The following UBXN10 variants were observed in gnomAD, a reference collection of about 807,000 sequenced individuals.
UBXN10 encodes UBX domain-containing protein 10.
Under a neutral mutation model 6.9 loss-of-function variants are expected in UBXN10, and 6 were observed. The ratio of observed to expected loss-of-function variants is 0.87; its 90% CI spans 0.48 to 1.72. UBXN10 has a LOEUF of 1.72. Among genes scored for constraint, UBXN10 ranks in the 40% most tolerant of loss-of-function variants. The pLI is 0.01. For synonymous variants in UBXN10, 131 were observed against 135.2 expected (o/e 0.97, Z 0.21); for missense variants, 317 against 348.4 (o/e 0.91, Z 0.72).
chr1:20,194,909 C>G lies in UBXN10; in HGVS notation c.*3505C>G, dbSNP rs2018574879. 6.0e-6 allele frequency: 1 copy of G among 167,060 alleles called. No homozygotes were observed. 10.3% of individuals were successfully genotyped at this position (167,060 alleles called of 1,614,324 possible). A position where few individuals can be genotyped will look rare whatever the true frequency, so the allele number is the denominator to read the frequency against. ...TTCTCAGTCCATTAAGGCAACACCC[C>G]ACAGTAAAGTTAAAAGTTCACGAGC... On this transcript the variant is annotated 3_prime_UTR_variant, in exon 2 of 2. Transcript: ENST00000375099.
upstream of UBXN10, among the ~76,000 whole-genome samples, chr1:20,185,723 T>C (rs535983205): frequency 6.6e-6 from 1 of 152,180 alleles, no homozygotes; most frequent in East Asian, 1.9e-4. Context: ...ACAGCCTCAT[T>C]TTAAAACCAG....
In UBXN10 at chr1:20,190,811, GCACC is replaced by G; in HGVS notation, c.253_256del (p.Pro85AsnfsTer57). The G allele has an allele frequency of 6.2e-7, 1 of 1,613,948 alleles. No individual in the cohort carries two copies. Among genetic ancestry groups the G allele is most frequent in the South Asian group, 1.1e-5 (1 of 91,074 alleles). ...AAGCAGCCAAAAACCAGGAGCCTGT[GCACC>G]CAAATCTCCAAACCAGGGAGCTTCT... On this transcript the variant is annotated frameshift_variant, in exon 2 of 2. Coordinates refer to ENST00000375099, the MANE Select transcript of UBXN10 (RefSeq NM_152376.5). LOFTEE classifies it low-confidence loss of function (END_TRUNC).
chr1:20,185,629 G>A (rs1417497782), upstream of UBXN10, among the ~76,000 whole-genome samples: 5 of 152,312 alleles, frequency 3.3e-5, no homozygotes, highest in East Asian at 1.9e-4. Context: ...GGGCTGTACT[G>A]AGGATGGGGG....
In UBXN10 at chr1:20,191,669, TG is replaced by T. The variant is rs2100736929; in HGVS notation, c.*266del. 2.3e-6 allele frequency: 1 copy of T among 435,494 alleles called. No homozygotes were observed. The highest frequency in any genetic ancestry group is 4.4e-5 in the South Asian group (1 of 22,922). 27.0% of individuals were successfully genotyped at this position (435,494 alleles called of 1,614,324 possible). On this transcript the variant is annotated 3_prime_UTR_variant, in exon 2 of 2. Transcript: ENST00000375099. The surrounding 1 kb of genome is among the most constrained non-coding windows in gnomAD (Gnocchi z 4.5). ...ACCAAGGTTGTTCCTGAAACAGCAG[TG>T]ATCATGACTTCTCCTTTCCAGAGTT... is the stretch of plus-strand genomic sequence containing the variant.
At position 20,192,144 on chromosome 1, in the gene UBXN10, T is replaced by C. The variant is rs1399663524; in HGVS notation, c.*740T>C. ...TCTGGGAGCTACTCTGTGGGCTGAA[T>C]TCTTCCAAAACCGAGAAAAGCCAGT... On this transcript the variant is annotated 3_prime_UTR_variant, in exon 2 of 2. Coordinates refer to ENST00000375099, the MANE Select transcript of UBXN10 (RefSeq NM_152376.5). 1 of 167,152 alleles carries C rather than the reference T, an allele frequency of 6.0e-6. No homozygotes were observed. Among genetic ancestry groups the C allele is most frequent in the African/African-American group, 2.4e-5 (1 of 41,478 alleles). The allele number at this position is 167,152 out of a possible 1,614,324, so 10.4% of individuals were successfully genotyped here.
At chr1:20,184,868 G>A (rs538542060), upstream of UBXN10, among the ~76,000 whole-genome samples, 23 of 152,270 alleles carry the variant, frequency 1.5e-4, no homozygotes, top group Non-Finnish European at 3.1e-4. Context: ...GAGAAGAAAG[G>A]AGAGGCTGGG....
rs1343937350 is a variant in UBXN10 at position 20,193,531 on chromosome 1, A to C, written c.*2127A>C. 6.0e-6 allele frequency: 1 copy of C among 167,012 alleles called. No individual in the cohort carries two copies. The highest frequency in any genetic ancestry group is 1.5e-5 in the Non-Finnish European group (1 of 68,106). The allele number at this position is 167,012 out of a possible 1,614,324, so 10.3% of individuals were successfully genotyped here. A position where few individuals can be genotyped will look rare whatever the true frequency, so the allele number is the denominator to read the frequency against. ...TGAAACTGAGTCAGTGGAGAAGTGC[A>C]TCTCGTATTTTAACCTAAGGCTTCA... On this transcript the variant is annotated 3_prime_UTR_variant, in exon 2 of 2. Transcript: ENST00000375099.
upstream of UBXN10, among the ~76,000 whole-genome samples, chr1:20,183,617 C>T (rs868828684): frequency 6.6e-6 from 1 of 152,204 alleles, no homozygotes; most frequent in Non-Finnish European, 1.5e-5. Flanking sequence ...TCCACTGGAC[C>T]AAAGGCGACC....
intron 1 of UBXN10, 118 bp from the exon 2 acceptor site, chr1:20,190,429 C>A (rs775590814): frequency 2.1e-5 from 27 of 1,311,194 alleles, no homozygotes; most frequent in Non-Finnish European, 2.7e-5. Flanking sequence ...CAGCTGGTGC[C>A]CCTTACTAGA....
rs969473137 is a variant in UBXN10, at chr1:20,187,905, C to T, written c.-16+1752C>T. On this transcript the variant is annotated intron_variant, in intron 1 of 1. Transcript: ENST00000375099. This position sits in a 1 kb window ranked among gnomAD's most constrained non-coding sequence, Gnocchi z 4.6. ...AGGAAGAGGTTTCTAAGTTACCAAA[C>T]TCACTGACAGTTAAACCTTCCTGAG... Among the ~76,000 whole-genome samples, 1 of 152,198 alleles carries T rather than the reference C, an allele frequency of 6.6e-6. No individual in the cohort carries two copies. The highest frequency in any genetic ancestry group is 2.4e-5 in the African/African-American group (1 of 41,434).
At chr1:20,190,513 C>A in intron 1 of UBXN10, 34 bp from the exon 2 acceptor site, 3 of 1,564,170 alleles carry the variant, frequency 1.9e-6, no homozygotes, top group Non-Finnish European at 2.6e-6. Context: ...GGAAGTTTAA[C>A]CCACGGACTC....
In UBXN10 at chr1:20,187,505, C is replaced by T. The variant is rs1189146758; in HGVS notation, c.-16+1352C>T. On this transcript the variant is annotated intron_variant, in intron 1 of 1. Coordinates refer to ENST00000375099, the MANE Select transcript of UBXN10 (RefSeq NM_152376.5). The surrounding 1 kb of genome is among the most constrained non-coding windows in gnomAD (Gnocchi z 4.6). ...ATCCCCAAACACCTGTTTCCCCCAC[C>T]GCCCATCCCTGTGTGATGGGTGCTG... is the stretch of plus-strand genomic sequence containing the variant. Among the ~76,000 whole-genome samples, 2 of 135,224 alleles carry T rather than the reference C, an allele frequency of 1.5e-5. No individual in the cohort carries two copies. The highest frequency in any genetic ancestry group is 2.3e-4 in the East Asian group (1 of 4,284). The allele number at this position is 135,224 out of a possible 152,430, so 88.7% of individuals were successfully genotyped here.
chr1:20,186,048 C>T (rs1417796304), upstream of UBXN10: 1 of 151,558 alleles, frequency 6.6e-6, no homozygotes, highest in Non-Finnish European at 1.5e-5. Flanking sequence ...TCCGGTCACG[C>T]CGGAAGCACG....
At chr1:20,186,715 C>T (rs1349518567) in intron 1 of UBXN10, among the ~76,000 whole-genome samples, 1 of 152,178 alleles carries the variant, frequency 6.6e-6, no homozygotes, top group Non-Finnish European at 1.5e-5. Flanking sequence ...GTTCTCTATC[C>T]AAACATTTGA....
At position 20,194,833 on chromosome 1, in the gene UBXN10, C is replaced by G. The variant is rs1473386227; in HGVS notation, c.*3429C>G. ...TAAAGAAGACAGCTATATTATTTTG[C>G]TTTAGCATTAGTTTAGAAGTCATTC... On this transcript the variant is annotated 3_prime_UTR_variant, in exon 2 of 2. Transcript: ENST00000375099. The G allele has an allele frequency of 2.4e-5, 4 of 167,088 alleles. No individual in the cohort carries two copies. The highest frequency in any genetic ancestry group is 4.4e-5 in the Non-Finnish European group (3 of 68,114). The allele number at this position is 167,088 out of a possible 1,614,324, so 10.4% of individuals were successfully genotyped here. A position where few individuals can be genotyped will look rare whatever the true frequency, so the allele number is the denominator to read the frequency against.
chr1:20,183,336 C>T (rs1450122024), upstream of UBXN10, among the ~76,000 whole-genome samples: 1 of 152,202 alleles, frequency 6.6e-6, no homozygotes, highest in Non-Finnish European at 1.5e-5. Context: ...TGCCTGCAGT[C>T]CCCACGACCA....
upstream of UBXN10, among the ~76,000 whole-genome samples, chr1:20,183,354 G>A (rs1030540504): frequency 2.0e-5 from 3 of 152,172 alleles, no homozygotes; most frequent in Admixed American, 2.0e-4. Context: ...CCAGTGCAAC[G>A]GACAGCACAG....
chr1:20,186,921 G>T (rs2018409758), intron 1 of UBXN10, among the ~76,000 whole-genome samples: 1 of 152,128 alleles, frequency 6.6e-6, no homozygotes, highest in Admixed American at 6.5e-5. Flanking sequence ...GGATGGCAAC[G>T]GATAGGATTA....
chr1:20,185,932 A>G (rs1045691605), upstream of UBXN10, among the ~76,000 whole-genome samples: 2 of 152,288 alleles, frequency 1.3e-5, no homozygotes, highest in East Asian at 1.9e-4. Context: ...AGGCCAGGCA[A>G]TCCACTCCAG....
Sources: allele counts gnomAD v4.1 joint callset (sites outside exome capture counted in the v4.1 genomes callset), GRCh38; gene constraint gnomAD v4.1.1; non-coding constraint Gnocchi (gnomAD v3.1); transcripts MANE v1.5; gene names NCBI Gene and HGNC (gene_info 2026-07-23, HGNC 2026-07-21).